SYNPO: variants seen among roughly 807,000 people sequenced by gnomAD.
SYNPO encodes the protein synaptopodin.
Under a neutral mutation model 49.5 loss-of-function variants are expected in SYNPO, and 19 were observed. The ratio of observed to expected loss-of-function variants is 0.38; its 90% CI spans 0.27 to 0.56. The LOEUF is 0.56. Ranked by LOEUF, SYNPO falls within the 20% of genes least tolerant of loss-of-function variation. The pLI is 0.68. For synonymous variants in SYNPO, 536 were observed against 548.0 expected, an observed-to-expected ratio of 0.98 and a Z score of 0.31; for missense variants, 1,131 against 1,248.3, an observed-to-expected ratio of 0.91 and a Z score of 1.42.
At chr5:150,594,420 G>A in the SYNPO span, among the ~76,000 whole-genome samples, 1 of 152,160 alleles carries the variant, frequency 6.6e-6, no homozygotes, top group Non-Finnish European at 1.5e-5. Flanking sequence ...TCCTCAAGCT[G>A]GGCAGGATCC....
chr5:150,658,551 C>T lies in SYNPO; in HGVS notation c.*1464C>T, dbSNP rs1758652586. ...GGAATATGGCTGAGTTCTGTAGTTT[C>T]CAGAGTTGGCTGGTAGAGCCTTCTA... On this transcript the variant is annotated 3_prime_UTR_variant, in exon 3 of 3. Coordinates refer to ENST00000307662, the MANE Select transcript of SYNPO (RefSeq NM_007286.6). 6.6e-6 allele frequency: 1 copy of T among 152,298 alleles called. No individual in the cohort carries two copies. Among genetic ancestry groups the T allele is most frequent in the African/African-American group, 2.4e-5 (1 of 41,394 alleles). The allele number at this position is 152,298 out of a possible 1,614,324, so 9.4% of individuals were successfully genotyped here. A position where few individuals can be genotyped will look rare whatever the true frequency, so the allele number is the denominator to read the frequency against.
At chr5:150,586,577 G>GATGGGTGGATGGAAGGATGA in the SYNPO span, among the ~76,000 whole-genome samples, 1 of 151,810 alleles carries the variant, frequency 6.6e-6, no homozygotes, top group Non-Finnish European at 1.5e-5. Context: ...TGGAAGGATG[G>GATGGGTGGATGGAAGGATGA]ATGGATGGAT....
At chr5:150,600,346 G>A (rs1020882923), upstream of SYNPO, among the ~76,000 whole-genome samples, 5 of 152,246 alleles carry the variant, frequency 3.3e-5, no homozygotes, top group African/African-American at 7.2e-5. Flanking sequence ...AAAGGCAGGC[G>A]GGCACTCTCC....
intron 1 of SYNPO, among the ~76,000 whole-genome samples, chr5:150,604,729 G>A (rs1314359626): frequency 6.6e-6 from 1 of 151,956 alleles, no homozygotes; most frequent in African/African-American, 2.4e-5. Flanking sequence ...GAAAATTCAC[G>A]AGGTGGCGGC....
intron 1 of SYNPO, among the ~76,000 whole-genome samples, chr5:150,611,773 A>G (rs537905428): frequency 1.3e-5 from 2 of 152,318 alleles, no homozygotes; most frequent in African/African-American, 2.4e-5. Context: ...ATCATGGTGG[A>G]CATCCCTCTG....
intron 2 of SYNPO, among the ~76,000 whole-genome samples, chr5:150,628,887 G>A (rs1223894498): frequency 6.6e-6 from 1 of 152,242 alleles, no homozygotes; most frequent in Non-Finnish European, 1.5e-5. Flanking sequence ...CAGCCTGGGA[G>A]ACGGAGTGAG....
At chr5:150,620,801 C>G (rs1257598710) in intron 2 of SYNPO, among the ~76,000 whole-genome samples, 1 of 152,196 alleles carries the variant, frequency 6.6e-6, no homozygotes, top group Admixed American at 6.5e-5. Flanking sequence ...AAGTCCCCTA[C>G]CCAAGGTCAC....
At chr5:150,594,079 C>T in the SYNPO span, among the ~76,000 whole-genome samples, 53 of 152,272 alleles carry the variant, frequency 3.5e-4, no homozygotes, top group African/African-American at 1.2e-3. Context: ...TGGCGCTGTC[C>T]TTCTTCAGCC....
rs766296075 is a variant in SYNPO at position 150,656,846 on chromosome 5, C to T, written c.2471C>T (p.Pro824Leu). The change falls in exon 3 of 3, where the codon CCG becomes CTG. Residue 824 changes from proline (P) to leucine (L), a missense_variant. Around this residue, in one of 4 missense-constraint regions of SYNPO, gnomAD observed 509 missense variants for 484.5 expected, o/e 1.05. Coordinates refer to ENST00000307662, the MANE Select transcript of SYNPO (RefSeq NM_007286.6). Reference sequence around the variant, plus strand: ...CCGGGGGCAGCCTTCGCGCCCATCCCGCGGAGCCCGTTGCCCGCCGGTCCT... The same window carrying T: ...CCGGGGGCAGCCTTCGCGCCCATCCTGCGGAGCCCGTTGCCCGCCGGTCCT... ...AVPGAAFAPI[P>L]RSPLPAGPSS... 1.3e-6 allele frequency: 2 copies of T among 1,554,490 alleles called. No individual in the cohort carries two copies. The highest frequency in any genetic ancestry group is 1.7e-6 in the Non-Finnish European group (2 of 1,152,996).
In SYNPO at chr5:150,620,185, T is replaced by C. The variant is rs150113618; in HGVS notation, c.400+1418T>C. On this transcript the variant is annotated intron_variant, in intron 2 of 2. Coordinates refer to the SYNPO transcript ENST00000394243. ...AAATAAAATAAAAATATGAGTCTTA[T>C]CTACCTCAAAGAGCTGTTAGGAGGT... Among the ~76,000 whole-genome samples the C allele has an allele frequency of 6.1e-3, 936 of 152,356 alleles. 6 individuals are homozygous for C. Among genetic ancestry groups the C allele is most frequent in the Admixed American group, 0.019 (296 of 15,306 alleles).
chr5:150,620,955 C>CT lies in SYNPO; in HGVS notation c.400+2203dup, dbSNP rs869310732. 0.013 allele frequency among the ~76,000 whole-genome samples: 915 copies of CT among 71,084 alleles called. 70 individuals are homozygous for CT. The East Asian group carries it at 0.19, about 15-fold the overall frequency. 46.6% of individuals were successfully genotyped at this position (71,084 alleles called of 152,430 possible). On this transcript the variant is annotated intron_variant, in intron 2 of 2. Transcript: ENST00000394243. ...TTTCTTTCTTTCTTTCTTTTCTTTT[C>CT]TTTTTTTTTTTTTTTGAGATGGTAT...
intron 2 of SYNPO, chr5:150,651,141 C>T (rs752667378): frequency 9.2e-5 from 97 of 1,049,800 alleles, no homozygotes; most frequent in Non-Finnish European, 1.1e-4. Flanking sequence ...CTGTAGGGGG[C>T]TGTGCAGATG....
chr5:150,600,004 G>C (rs1020409007), upstream of SYNPO, among the ~76,000 whole-genome samples: 3 of 152,316 alleles, frequency 2.0e-5, no homozygotes, highest in African/African-American at 7.2e-5. Context: ...GCTGGGAACA[G>C]CTTGCCGGCA....
At chr5:150,621,491 C>T (rs1273482044) in intron 2 of SYNPO, among the ~76,000 whole-genome samples, 1 of 152,128 alleles carries the variant, frequency 6.6e-6, no homozygotes, top group Non-Finnish European at 1.5e-5. Context: ...GTTCCTTCTC[C>T]CTTCCTGGAG....
rs763917202 is a variant in SYNPO, at chr5:150,648,992, G to C, written c.717G>C (p.Thr239=). 1.2e-6 allele frequency: 2 copies of C among 1,614,236 alleles called. No individual in the cohort carries two copies. Among genetic ancestry groups the C allele is most frequent in the Non-Finnish European group, 8.5e-7 (1 of 1,180,042 alleles). Residue 239 remains threonine (T), a synonymous_variant, in exon 2 of 3, where the codon ACG becomes ACC. Coordinates refer to ENST00000307662, the MANE Select transcript of SYNPO (RefSeq NM_007286.6). The surrounding 1 kb of genome is among the most constrained non-coding windows in gnomAD (Gnocchi z 5.0). The stretch of plus-strand genomic sequence containing the variant: ...AGCCCCCATCAGTGGTCAACAGGAC[G>C]GCCAGGCCTTTTGGGATCCAGGCGC... ...LAKPPSVVNR[T]ARPFGIQAPG...
intron 1 of SYNPO, among the ~76,000 whole-genome samples, chr5:150,642,584 G>A (rs1172621906): frequency 6.6e-6 from 1 of 152,062 alleles, no homozygotes; most frequent in Non-Finnish European, 1.5e-5. Context: ...GCCAGAGAGG[G>A]CAGCTCCCTA....
At chr5:150,627,711 G>A (rs937376684) in intron 2 of SYNPO, among the ~76,000 whole-genome samples, 1 of 152,168 alleles carries the variant, frequency 6.6e-6, no homozygotes, top group East Asian at 1.9e-4. Flanking sequence ...ACAGAGACCT[G>A]AATCTTATTT....
chr5:150,613,779 T>C (rs1356270850), intron 1 of SYNPO, among the ~76,000 whole-genome samples: 1 of 152,280 alleles, frequency 6.6e-6, no homozygotes. Context: ...TTAGATCTTG[T>C]GATTTCCCCA....
At chr5:150,624,874 C>CCGGGAGCT in intron 2 of SYNPO, 1 of 985,278 alleles carries the variant, frequency 1.0e-6, no homozygotes, top group Non-Finnish European at 1.2e-6. Flanking sequence ...GCGGCGGCGC[C>CCGGGAGCT]CGGGAGCTCG....
Sources: allele counts gnomAD v4.1 joint callset (sites outside exome capture counted in the v4.1 genomes callset), GRCh38; gene constraint gnomAD v4.1.1; regional missense constraint gnomAD v4.1.1; non-coding constraint Gnocchi (gnomAD v3.1); transcripts MANE v1.5; gene names NCBI Gene and HGNC (gene_info 2026-07-23, HGNC 2026-07-21).